The following FER variants were observed in gnomAD, a reference collection of about 807,000 sequenced individuals.
FER encodes the protein tyrosine-protein kinase Fer.
Under a neutral mutation model 111.0 loss-of-function variants are expected in FER, and 63 were observed. The observed-to-expected ratio is 0.57, with a 90% confidence interval of 0.46 to 0.70. The LOEUF is 0.70. FER is among the 30% of genes least tolerant of loss of function. FER has a pLI of 0.00. For synonymous variants in FER, 327 were observed against 313.9 expected (o/e 1.04, Z -0.44); for missense variants, 914 against 954.0 (o/e 0.96, Z 0.55).
At chr5:108,991,641 C>G (rs1004145821) in intron 13 of FER, among the ~76,000 whole-genome samples, 31 of 152,038 alleles carry the variant, frequency 2.0e-4, no homozygotes, top group African/African-American at 7.5e-4. Context: ...TCAATATCTC[C>G]TTCCTTATTC....
chr5:108,975,303 G>A (rs1010512952), intron 13 of FER, among the ~76,000 whole-genome samples: 12 of 152,036 alleles, frequency 7.9e-5, no homozygotes, highest in African/African-American at 1.9e-4. Flanking sequence ...TAATGCACGC[G>A]GGGCTTAAAA....
intron 17 of FER, among the ~76,000 whole-genome samples, chr5:109,146,660 A>G (rs1754253461): frequency 6.6e-6 from 1 of 152,058 alleles, no homozygotes; most frequent in Admixed American, 6.6e-5. Flanking sequence ...TCGTATAATT[A>G]TGTGTGCCTC....
At chr5:109,185,112 T>G (rs1056504622) in intron 18 of FER, among the ~76,000 whole-genome samples, 4 of 152,198 alleles carry the variant, frequency 2.6e-5, no homozygotes, top group Non-Finnish European at 5.9e-5. Context: ...TGGAAAAAAC[T>G]GATCTGCTTC....
At chr5:109,062,114 A>G (rs1774495189) in intron 16 of FER, among the ~76,000 whole-genome samples, 1 of 151,344 alleles carries the variant, frequency 6.6e-6, no homozygotes, top group South Asian at 2.1e-4. Context: ...GGGTAATATG[A>G]AAAAAAAACC....
chr5:108,832,832 G>A lies in FER; in HGVS notation c.270G>A (p.Glu90=), dbSNP rs768989678. The change falls in exon 4 of 20, where the codon GAG becomes GAA. Residue 90 remains glutamate (E), a synonymous_variant. Coordinates refer to ENST00000281092, the MANE Select transcript of FER (RefSeq NM_005246.4). The part of the protein sequence containing the change: ...QLSRIMKTHA[E]DLNSGPLHRL... Reference sequence around the variant, plus strand: ...GTAGGATAATGAAGACACATGCAGAGGACTTGAACTCTGGACCTTTACACA... The same window carrying A: ...GTAGGATAATGAAGACACATGCAGAAGACTTGAACTCTGGACCTTTACACA... The A allele has an allele frequency of 1.2e-6, 2 of 1,605,862 alleles. No individual in the cohort carries two copies. Among genetic ancestry groups the A allele is most frequent in the Non-Finnish European group, 8.5e-7 (1 of 1,175,832 alleles).
At chr5:108,786,336 A>G (rs1249398008) in intron 2 of FER, among the ~76,000 whole-genome samples, 1 of 152,064 alleles carries the variant, frequency 6.6e-6, no homozygotes, top group Non-Finnish European at 1.5e-5. Flanking sequence ...TTCTTTTCAT[A>G]TTGGAGTATC....
At chr5:108,760,615 T>C (rs1279793679) in intron 1 of FER, among the ~76,000 whole-genome samples, 1 of 152,220 alleles carries the variant, frequency 6.6e-6, no homozygotes, top group African/African-American at 2.4e-5. Flanking sequence ...ATAGCCTCTT[T>C]CCTTCAGCCT....
chr5:109,078,726 T>C (rs1202530738), intron 16 of FER, among the ~76,000 whole-genome samples: 3 of 152,190 alleles, frequency 2.0e-5, no homozygotes, highest in East Asian at 3.8e-4. Context: ...ATTAGGAATA[T>C]AAAAGACTGT....
In FER at chr5:108,928,451, G is replaced by A. The variant is rs555866074; in HGVS notation, c.1237-17679G>A. Among the ~76,000 whole-genome samples, 4 of 152,234 alleles carry A rather than the reference G, an allele frequency of 2.6e-5. No individual in the cohort carries two copies. The East Asian group carries it at 7.7e-4, about 29-fold the overall frequency. On this transcript the variant is annotated intron_variant, in intron 10 of 19. Coordinates refer to ENST00000281092, the MANE Select transcript of FER (RefSeq NM_005246.4). ...CAATAGTATTTATGAAAATAAATTCGTGAGTTCTTGAAATGTATTATAGGG... is the reference window on the plus strand; with the variant it reads ...CAATAGTATTTATGAAAATAAATTCATGAGTTCTTGAAATGTATTATAGGG...
intron 5 of FER, among the ~76,000 whole-genome samples, chr5:108,855,824 A>G (rs1762954918): frequency 2.6e-5 from 4 of 152,142 alleles, no homozygotes; most frequent in African/African-American, 9.7e-5. Flanking sequence ...GGAAAACCCT[A>G]AATGGGCTGG....
chr5:108,899,485 A>G (rs1331311754), intron 10 of FER, among the ~76,000 whole-genome samples: 2 of 152,072 alleles, frequency 1.3e-5, no homozygotes, highest in Non-Finnish European at 2.9e-5. Flanking sequence ...CCCTGTTACC[A>G]TGACGTTGTG....
chr5:108,835,706 A>G lies in FER; in HGVS notation c.382-2A>G. The G allele has an allele frequency of 6.5e-7, 1 of 1,545,268 alleles. No individual in the cohort carries two copies. The highest frequency in any genetic ancestry group is 1.2e-5 in the South Asian group (1 of 81,886). On this transcript the variant is annotated splice_acceptor_variant, in intron 4 of 19. Transcript: ENST00000281092. LOFTEE classifies it high-confidence loss of function. ...CATTTATGCATTTTGTTTCTTTGAC[A>G]GGTTACCAAAACAGAATTGGAGAAG...
chr5:108,866,493 A>G (rs1764078908), intron 5 of FER, among the ~76,000 whole-genome samples: 1 of 152,110 alleles, frequency 6.6e-6, no homozygotes, highest in South Asian at 2.1e-4. Flanking sequence ...TTAAATGACA[A>G]GTTAATGGGT....
At chr5:108,930,015 A>G (rs1438829718) in intron 10 of FER, among the ~76,000 whole-genome samples, 1 of 152,180 alleles carries the variant, frequency 6.6e-6, no homozygotes, top group Non-Finnish European at 1.5e-5. Flanking sequence ...AAGTTTTAAG[A>G]TATCTAATAA....
chr5:109,161,169 GTTCT>G (rs1561974080), intron 17 of FER, among the ~76,000 whole-genome samples: 2 of 152,100 alleles, frequency 1.3e-5, no homozygotes, highest in African/African-American at 4.8e-5. Flanking sequence ...TTTATAAAAG[GTTCT>G]TTATTTAAAT....
At chr5:108,890,143 G>A (rs1160563348) in intron 9 of FER, among the ~76,000 whole-genome samples, 1 of 151,916 alleles carries the variant, frequency 6.6e-6, no homozygotes, top group Non-Finnish European at 1.5e-5. Context: ...AACCATTAGT[G>A]TGTTTTTTCA....
chr5:109,090,303 A>G (rs897917081), intron 16 of FER, among the ~76,000 whole-genome samples: 2 of 152,196 alleles, frequency 1.3e-5, no homozygotes, highest in Admixed American at 1.3e-4. Context: ...CATCCCCCCA[A>G]AAAGAGTTCA....
At chr5:109,007,068 A>G (rs1765590875) in intron 13 of FER, among the ~76,000 whole-genome samples, 2 of 152,096 alleles carry the variant, frequency 1.3e-5, no homozygotes, top group South Asian at 4.1e-4. Flanking sequence ...TTGAGGCATT[A>G]TTTTTTAGAT....
At chr5:108,840,510 C>G (rs1169667046) in intron 5 of FER, among the ~76,000 whole-genome samples, 1 of 151,866 alleles carries the variant, frequency 6.6e-6, no homozygotes, top group Non-Finnish European at 1.5e-5. Context: ...GAACAGTCCT[C>G]CTACTTTTTA....
Sources: gnomAD v4.1 joint callset for allele counts (sites outside exome capture counted in the v4.1 genomes callset) on GRCh38, gnomAD v4.1.1 for gene constraint, MANE v1.5 for transcripts, NCBI Gene and HGNC (gene_info 2026-07-23, HGNC 2026-07-21) for gene names.